C1QTNF3: variants seen among roughly 807,000 people sequenced by gnomAD.
C1QTNF3 encodes complement C1q tumor necrosis factor-related protein 3.
In C1QTNF3, 26 loss-of-function variants were observed where a neutral mutation model predicts 32.6. That is an observed-to-expected ratio of 0.80 (90% CI 0.58 to 1.11). The LOEUF (loss-of-function observed/expected upper bound fraction) is 1.11. Among genes scored for constraint, C1QTNF3 ranks in the 50% least tolerant of loss-of-function variants. C1QTNF3 has a pLI of 0.00. For missense variants in C1QTNF3, 362 were observed against 398.2 expected (o/e 0.91, Z 0.77); for synonymous variants, 155 against 146.0 (o/e 1.06, Z -0.44).
At chr5:34,055,127 G>A in the C1QTNF3 span, among the ~76,000 whole-genome samples, 34 of 152,314 alleles carry the variant, frequency 2.2e-4, no homozygotes, top group African/African-American at 7.5e-4. Flanking sequence ...TGGCTGTAAT[G>A]TCACTATTGG....
chr5:34,123,739 ATGC>A, the C1QTNF3 span, among the ~76,000 whole-genome samples: 1 of 152,072 alleles, frequency 6.6e-6, no homozygotes, highest in Admixed American at 6.6e-5. Flanking sequence ...TAATTGATAA[ATGC>A]TGCAATTTTT....
the C1QTNF3 span, among the ~76,000 whole-genome samples, chr5:34,142,942 C>T: frequency 6.6e-6 from 1 of 152,160 alleles, no homozygotes; most frequent in Admixed American, 6.5e-5. Context: ...TCTGAAATGA[C>T]TGAGATGATG....
the C1QTNF3 span, among the ~76,000 whole-genome samples, chr5:34,074,244 G>C: frequency 6.6e-6 from 1 of 151,326 alleles, no homozygotes; most frequent in Non-Finnish European, 1.5e-5. Context: ...GTCCCTGTTA[G>C]CTTGGAGCAG....
the C1QTNF3 span, among the ~76,000 whole-genome samples, chr5:34,128,719 C>T: frequency 6.6e-6 from 1 of 152,132 alleles, no homozygotes; most frequent in African/African-American, 2.4e-5. Flanking sequence ...CCAATTTCTC[C>T]CTTTTGGAAC....
chr5:34,046,553 T>A (rs1017883595), upstream of C1QTNF3, among the ~76,000 whole-genome samples: 1 of 152,238 alleles, frequency 6.6e-6, no homozygotes, highest in East Asian at 1.9e-4. Flanking sequence ...CACCAGAAGG[T>A]AGGTGAGAAG....
At chr5:34,175,521 G>T in the C1QTNF3 span, 41 of 302,774 alleles carry the variant, frequency 1.4e-4, 1 homozygote, top group South Asian at 4.2e-4. Flanking sequence ...GAGGTCCAGT[G>T]TTTCCTTCAT....
the C1QTNF3 span, among the ~76,000 whole-genome samples, chr5:34,193,861 G>A: frequency 6.6e-6 from 1 of 152,372 alleles, no homozygotes; most frequent in East Asian, 1.9e-4. Context: ...GTCTATTACA[G>A]TTATAGCTCT....
At chr5:34,221,098 T>G in the C1QTNF3 span, among the ~76,000 whole-genome samples, 1 of 152,174 alleles carries the variant, frequency 6.6e-6, no homozygotes, top group East Asian at 1.9e-4. Flanking sequence ...TAGCAAAATG[T>G]TTTTTTCTTA....
At chr5:34,091,993 A>G in the C1QTNF3 span, among the ~76,000 whole-genome samples, 1 of 151,892 alleles carries the variant, frequency 6.6e-6, no homozygotes, top group East Asian at 1.9e-4. Context: ...GATGAGGCAC[A>G]TAGGTGATCG....
At chr5:34,223,901 C>T in the C1QTNF3 span, among the ~76,000 whole-genome samples, 1 of 152,114 alleles carries the variant, frequency 6.6e-6, no homozygotes, top group East Asian at 1.9e-4. Flanking sequence ...TCTAGAAAAC[C>T]CCATTGTCTC....
At chr5:34,142,643 G>A in the C1QTNF3 span, among the ~76,000 whole-genome samples, 1 of 152,172 alleles carries the variant, frequency 6.6e-6, no homozygotes, top group African/African-American at 2.4e-5. Context: ...GTCATTTAGT[G>A]GATCACAGCC....
the C1QTNF3 span, among the ~76,000 whole-genome samples, chr5:34,178,271 C>T: frequency 1.3e-5 from 2 of 152,166 alleles, no homozygotes; most frequent in African/African-American, 4.8e-5. Context: ...ACAACTGAAA[C>T]TCCTCCTCAA....
chr5:34,192,425 G>C, the C1QTNF3 span: 1 of 710,440 alleles, frequency 1.4e-6, no homozygotes, highest in African/African-American at 1.8e-5. Context: ...AGACCCTCAC[G>C]GCCTTCCCAC....
chr5:34,111,321 T>C, the C1QTNF3 span, among the ~76,000 whole-genome samples: 3 of 152,122 alleles, frequency 2.0e-5, no homozygotes, highest in South Asian at 2.1e-4. Context: ...TTTATTCTCT[T>C]CAAACTCTAC....
At position 34,023,832 on chromosome 5, in the gene C1QTNF3, C is replaced by T. The variant is rs75294847; in HGVS notation, c.800+77G>A. Reference sequence around the variant, plus strand: ...ATGTCAGGCTCTATTGACTCCTATACGCTTCCCTGTCATTAGGCATTCCTT... The same window carrying T: ...ATGTCAGGCTCTATTGACTCCTATATGCTTCCCTGTCATTAGGCATTCCTT... On this transcript the variant is annotated intron_variant, in intron 5 of 5. Transcript: ENST00000382065. 504 of 1,169,392 alleles carry T rather than the reference C, an allele frequency of 4.3e-4. 2 individuals are homozygous for T. In the African/African-American group the frequency reaches 6.4e-3, roughly 15 times the overall value. 72.4% of individuals were successfully genotyped at this position (1,169,392 alleles called of 1,614,324 possible). A position where few individuals can be genotyped will look rare whatever the true frequency, so the allele number is the denominator to read the frequency against.
intron 1 of C1QTNF3, among the ~76,000 whole-genome samples, chr5:34,041,811 G>C (rs1049046855): frequency 6.6e-6 from 1 of 151,650 alleles, no homozygotes; most frequent in African/African-American, 2.4e-5. Context: ...GTGTGATCTT[G>C]GTCTGACCAT....
the C1QTNF3 span, among the ~76,000 whole-genome samples, chr5:34,091,621 C>T: frequency 6.6e-6 from 1 of 152,224 alleles, no homozygotes; most frequent in Non-Finnish European, 1.5e-5. Context: ...GCAACTTAGT[C>T]TTCATTTCTG....
At chr5:34,107,252 A>G in the C1QTNF3 span, among the ~76,000 whole-genome samples, 3 of 136,546 alleles carry the variant, frequency 2.2e-5, no homozygotes, top group South Asian at 7.3e-4. Context: ...TAAGACAAGC[A>G]TATTACAATA....
At chr5:34,232,924 T>C in the C1QTNF3 span, among the ~76,000 whole-genome samples, 1 of 144,658 alleles carries the variant, frequency 6.9e-6, no homozygotes, top group Non-Finnish European at 1.5e-5. Context: ...AAAACTTTGA[T>C]GACTTTCATT....
Sources: gnomAD v4.1 joint callset for allele counts (sites outside exome capture counted in the v4.1 genomes callset) on GRCh38, gnomAD v4.1.1 for gene constraint, MANE v1.5 for transcripts, NCBI Gene and HGNC (gene_info 2026-07-23, HGNC 2026-07-21) for gene names.